The following ARHGEF6 variants were observed in gnomAD, a reference collection of about 807,000 sequenced individuals.
The protein encoded by ARHGEF6 is rho guanine nucleotide exchange factor 6.
ARHGEF6 carries 9 observed loss-of-function variants against 70.3 expected under a neutral mutation model. The observed-to-expected ratio is 0.13, with a 90% CI of 0.08 to 0.22. ARHGEF6 has a LOEUF of 0.22. Ranked by LOEUF, ARHGEF6 falls within the 10% of genes least tolerant of loss-of-function variation. The pLI, the probability that ARHGEF6 is intolerant of heterozygous loss-of-function variation, is 1.00. For missense variants in ARHGEF6, 470 were observed against 563.0 expected (o/e 0.83, Z 1.67); for synonymous variants, 201 against 207.8 (o/e 0.97, Z 0.28).
Position 136,754,990 on chromosome X carries a change from TG to T in ARHGEF6, c.250-7399del, listed in dbSNP as rs747208033. On this transcript the variant is annotated intron_variant, in intron 2 of 21. Transcript: ENST00000250617. Reference sequence around the variant, plus strand: ...GGACTGACTCCCTAGTGTTCCAAATTGGAATGCGGAACACATTTTCCCAGAA... The same window carrying T: ...GGACTGACTCCCTAGTGTTCCAAATTGAATGCGGAACACATTTTCCCAGAA... Among the ~76,000 whole-genome samples the T allele has an allele frequency of 1.5e-4, 17 of 111,799 alleles. No homozygotes were observed. In the South Asian group the frequency reaches 2.6e-3, roughly 17 times the overall value.
intron 9 of ARHGEF6, among the ~76,000 whole-genome samples, chrX:136,695,030 C>T (rs1305470246): frequency 8.9e-6 from 1 of 112,018 alleles, no homozygotes; most frequent in Non-Finnish European, 1.9e-5. Flanking sequence ...TTCACCTGAA[C>T]ATCACAGCTT....
At chrX:136,728,371 C>T (rs896154961) in intron 6 of ARHGEF6, among the ~76,000 whole-genome samples, 2 of 110,813 alleles carry the variant, frequency 1.8e-5, no homozygotes, top group Non-Finnish European at 1.9e-5. Flanking sequence ...ACTTTGGTCA[C>T]ACTGGACAAC....
chrX:136,685,863 T>TA, intron 11 of ARHGEF6, 40 bp from the exon 12 acceptor site: 1 of 1,192,135 alleles, frequency 8.4e-7, no homozygotes, highest in Non-Finnish European at 1.1e-6. Context: ...TAGGAATTCT[T>TA]ATGAAATAGA....
At chrX:136,762,479 T>C (rs961114063) in intron 2 of ARHGEF6, among the ~76,000 whole-genome samples, 1 of 111,532 alleles carries the variant, frequency 9.0e-6, no homozygotes, top group Non-Finnish European at 1.9e-5. Context: ...CATTTAACCC[T>C]AGGAAGAGGC....
intron 9 of ARHGEF6, among the ~76,000 whole-genome samples, chrX:136,705,855 T>C (rs1444022739): frequency 8.9e-6 from 1 of 112,628 alleles, no homozygotes. Context: ...TGCACCTTAA[T>C]AAACCAGGAC....
At chrX:136,734,054 T>G (rs921505272) in intron 5 of ARHGEF6, among the ~76,000 whole-genome samples, 2 of 112,166 alleles carry the variant, frequency 1.8e-5, no homozygotes, top group Non-Finnish European at 3.8e-5. Flanking sequence ...AGGGAAGATT[T>G]CAGAAACACA....
At chrX:136,764,441 G>A (rs1441565318) in intron 2 of ARHGEF6, among the ~76,000 whole-genome samples, 1 of 112,161 alleles carries the variant, frequency 8.9e-6, no homozygotes, top group African/African-American at 3.2e-5. Context: ...ATATTATACA[G>A]CAAGAAAAAA....
chrX:136,744,263 T>C lies in ARHGEF6; in HGVS notation c.460-477A>G, dbSNP rs148997784. Among the ~76,000 whole-genome samples, 884 of 112,332 alleles carry C rather than the reference T, an allele frequency of 7.9e-3. 8 individuals carry two copies. The highest frequency in any genetic ancestry group is 0.027 in the African/African-American group (837 of 30,928). On this transcript the variant is annotated intron_variant, in intron 4 of 21. Coordinates refer to ENST00000250617, the MANE Select transcript of ARHGEF6 (RefSeq NM_004840.3). ...TCTTAATTTGGCTAAGACTTATTTATATGCAAAGATCAAATAACCCATAGT... is the reference window on the plus strand; with the variant it reads ...TCTTAATTTGGCTAAGACTTATTTACATGCAAAGATCAAATAACCCATAGT...
intron 9 of ARHGEF6, among the ~76,000 whole-genome samples, chrX:136,699,655 C>T (rs1051146321): frequency 3.1e-4 from 34 of 111,379 alleles, no homozygotes; most frequent in African/African-American, 1.1e-3. Flanking sequence ...GCAGAAGCCA[C>T]TGGACCCAGT....
intron 20 of ARHGEF6, among the ~76,000 whole-genome samples, chrX:136,671,181 A>G (rs1054803220): frequency 2.7e-5 from 3 of 112,332 alleles, no homozygotes; most frequent in Admixed American, 9.4e-5. Context: ...AGATGAGGAA[A>G]CTGAGGCACA....
chrX:136,767,905 G>A (rs886200534), intron 2 of ARHGEF6: 1 of 590,127 alleles, frequency 1.7e-6, no homozygotes, highest in Non-Finnish European at 2.0e-6. Flanking sequence ...AAGCCGCGGT[G>A]TACCCGCGGC....
chrX:136,724,070 TTTTC>T (rs1486822722), intron 6 of ARHGEF6, among the ~76,000 whole-genome samples: 8 of 109,785 alleles, frequency 7.3e-5, no homozygotes, highest in African/African-American at 1.6e-4. Flanking sequence ...TTTTCTCTTT[TTTTC>T]TTTCTTTTTT....
At chrX:136,751,118 T>C (rs1416636821) in intron 2 of ARHGEF6, among the ~76,000 whole-genome samples, 1 of 111,919 alleles carries the variant, frequency 8.9e-6, no homozygotes, top group Non-Finnish European at 1.9e-5. Flanking sequence ...ATTACAGGCG[T>C]GAGCCACCGC....
chrX:136,692,700 G>T (rs2148596689), intron 9 of ARHGEF6, among the ~76,000 whole-genome samples: 1 of 112,092 alleles, frequency 8.9e-6, no homozygotes, highest in African/African-American at 3.2e-5. Context: ...TGAGAGGAAG[G>T]GTGATAGTAA....
intron 2 of ARHGEF6, among the ~76,000 whole-genome samples, chrX:136,750,098 A>G (rs1428140912): frequency 9.0e-6 from 1 of 111,507 alleles, no homozygotes; most frequent in Non-Finnish European, 1.9e-5. Context: ...GATGTGGAGA[A>G]AGACTAAGGG....
At position 136,770,252 on chromosome X, in the gene ARHGEF6, T is replaced by C. The variant is rs80137912; in HGVS notation, c.249+9162A>G. ...TCCCAGGAATGCAAGATTGATTTAA[T>C]ATATGAAAATCAATTGATGTAATAC... On this transcript the variant is annotated intron_variant, in intron 2 of 21. Transcript: ENST00000250617. 4.8e-4 allele frequency among the ~76,000 whole-genome samples: 54 copies of C among 112,690 alleles called. 1 individual carries two copies. The East Asian group carries it at 0.014, about 30-fold the overall frequency.
At chrX:136,758,686 T>C (rs1026676305) in intron 2 of ARHGEF6, among the ~76,000 whole-genome samples, 1 of 111,576 alleles carries the variant, frequency 9.0e-6, no homozygotes, top group African/African-American at 3.3e-5. Context: ...AATGTTATCT[T>C]AGGGGAAACC....
At chrX:136,726,105 A>G (rs1780571219) in intron 6 of ARHGEF6, among the ~76,000 whole-genome samples, 1 of 112,302 alleles carries the variant, frequency 8.9e-6, no homozygotes, top group South Asian at 3.7e-4. Context: ...CAAAAATATT[A>G]CATTATAGGA....
intron 19 of ARHGEF6, among the ~76,000 whole-genome samples, chrX:136,674,276 T>C (rs776187657): frequency 4.4e-5 from 5 of 112,780 alleles, no homozygotes; most frequent in Admixed American, 3.7e-4. Context: ...ATGTCCAAAA[T>C]GGAGTACTAT....
Sources: allele counts gnomAD v4.1 joint callset (sites outside exome capture counted in the v4.1 genomes callset), GRCh38; gene constraint gnomAD v4.1.1; transcripts MANE v1.5; gene names NCBI Gene and HGNC (gene_info 2026-07-23, HGNC 2026-07-21).